The following UNC5C variants were observed in gnomAD, a reference collection of about 807,000 sequenced individuals.
UNC5C encodes the protein unc-5 netrin receptor C, also known as netrin receptor UNC5C.
Under a neutral mutation model 99.8 loss-of-function variants are expected in UNC5C, and 47 were observed. The ratio of observed to expected loss-of-function variants is 0.47; its 90% CI spans 0.37 to 0.60. The LOEUF is 0.60. Among genes scored for constraint, UNC5C ranks in the 20% least tolerant of loss-of-function variants. The pLI, the probability that UNC5C is intolerant of heterozygous loss-of-function variation, is 0.00. For synonymous variants in UNC5C, 487 were observed against 452.2 expected, an observed-to-expected ratio of 1.08 and a Z score of -0.98; for missense variants, 1,062 against 1,165.9, an observed-to-expected ratio of 0.91 and a Z score of 1.30.
chr4:95,349,401 C>CACAT (rs1177715463), intron 1 of UNC5C, among the ~76,000 whole-genome samples: 5 of 141,754 alleles, frequency 3.5e-5, no homozygotes, highest in East Asian at 2.2e-4. Flanking sequence ...CACACACACA[C>CACAT]ACATTACAAG....
chr4:95,401,925 T>C lies in UNC5C; in HGVS notation c.125-66294A>G, dbSNP rs369621697. Among the ~76,000 whole-genome samples the C allele has an allele frequency of 2.0e-4, 31 of 152,326 alleles. No homozygotes were observed. In the South Asian group the frequency reaches 5.0e-3, roughly 24 times the overall value. On this transcript the variant is annotated intron_variant, in intron 1 of 15. Coordinates refer to ENST00000453304, the MANE Select transcript of UNC5C (RefSeq NM_003728.4). ...ACAGTACAATGGAATGTGGAATGTG[T>C]CAAGGATGCCTTTTCGAAAGTGGTA...
At chr4:95,257,605 A>G (rs1040800948) in intron 4 of UNC5C, among the ~76,000 whole-genome samples, 1 of 152,216 alleles carries the variant, frequency 6.6e-6, no homozygotes, top group African/African-American at 2.4e-5. Context: ...GGAGGCAGAA[A>G]GTAATTGAGG....
At chr4:95,454,098 A>G (rs1747364021) in intron 1 of UNC5C, among the ~76,000 whole-genome samples, 1 of 152,072 alleles carries the variant, frequency 6.6e-6, no homozygotes, top group South Asian at 2.1e-4. Flanking sequence ...GTTGCACAAT[A>G]TTGTGAGTGC....
intron 10 of UNC5C, among the ~76,000 whole-genome samples, chr4:95,215,156 C>T (rs976498163): frequency 4.6e-5 from 7 of 152,220 alleles, no homozygotes; most frequent in Admixed American, 6.5e-5. Flanking sequence ...TAAAAATGGA[C>T]GTTTTTCTGA....
chr4:95,506,511 G>C (rs1721927218), intron 1 of UNC5C, among the ~76,000 whole-genome samples: 2 of 151,858 alleles, frequency 1.3e-5, no homozygotes, highest in Admixed American at 6.6e-5. Context: ...TTTAAAAGTT[G>C]CTATTTTGAA....
chr4:95,215,651 C>T (rs990771638), intron 10 of UNC5C, among the ~76,000 whole-genome samples: 2 of 151,932 alleles, frequency 1.3e-5, no homozygotes, highest in African/African-American at 4.8e-5. Context: ...AATACTTAAG[C>T]TAGAAGACAG....
intron 7 of UNC5C, among the ~76,000 whole-genome samples, chr4:95,224,206 C>G (rs2149370014): frequency 6.6e-6 from 1 of 152,330 alleles, no homozygotes; most frequent in Non-Finnish European, 1.5e-5. Context: ...TCACTTGAGA[C>G]TGGGAGGCGG....
intron 1 of UNC5C, among the ~76,000 whole-genome samples, chr4:95,413,567 A>G (rs2149452911): frequency 1.3e-5 from 2 of 152,340 alleles, no homozygotes; most frequent in South Asian, 4.1e-4. Flanking sequence ...ATTCAGAATA[A>G]TCAACTGAAT....
At chr4:95,204,833 G>T (rs146552333) in intron 11 of UNC5C, among the ~76,000 whole-genome samples, 1 of 152,184 alleles carries the variant, frequency 6.6e-6, no homozygotes, top group South Asian at 2.1e-4. Flanking sequence ...GATGTGAAAG[G>T]TTGCCACCTA....
intron 13 of UNC5C, among the ~76,000 whole-genome samples, chr4:95,183,462 C>T (rs1369213076): frequency 6.6e-6 from 1 of 152,076 alleles, no homozygotes; most frequent in East Asian, 1.9e-4. Flanking sequence ...GAATCCCTGT[C>T]GTGACATTCT....
chr4:95,424,196 A>G (rs941429993), intron 1 of UNC5C, among the ~76,000 whole-genome samples: 1 of 152,152 alleles, frequency 6.6e-6, no homozygotes, highest in Non-Finnish European at 1.5e-5. Context: ...TGAAGGTACT[A>G]AGATAACATG....
chr4:95,540,679 C>A (rs1722896580), intron 1 of UNC5C, among the ~76,000 whole-genome samples: 1 of 152,150 alleles, frequency 6.6e-6, no homozygotes, highest in South Asian at 2.1e-4. Context: ...ATTTGCCAAA[C>A]ACTTTATTCA....
chr4:95,531,854 G>A (rs1029562188), intron 1 of UNC5C, among the ~76,000 whole-genome samples: 3 of 152,194 alleles, frequency 2.0e-5, no homozygotes, highest in Admixed American at 6.5e-5. Flanking sequence ...ACACCATAGG[G>A]TGATTTTTGG....
intron 1 of UNC5C, among the ~76,000 whole-genome samples, chr4:95,463,630 A>C (rs1376088011): frequency 6.6e-6 from 1 of 152,144 alleles, no homozygotes; most frequent in Non-Finnish European, 1.5e-5. Context: ...AAGAAAAGAG[A>C]AGGTATCAAA....
At chr4:95,316,121 C>T (rs1264558165) in intron 2 of UNC5C, among the ~76,000 whole-genome samples, 1 of 152,052 alleles carries the variant, frequency 6.6e-6, no homozygotes, top group Non-Finnish European at 1.5e-5. Context: ...ATCAAGCTCA[C>T]ATTTTTACTC....
chr4:95,519,717 C>A (rs949101634), intron 1 of UNC5C, among the ~76,000 whole-genome samples: 5 of 152,086 alleles, frequency 3.3e-5, no homozygotes, highest in Non-Finnish European at 5.9e-5. Context: ...GTTTTAATTG[C>A]CCAGTGTGCA....
At chr4:95,498,407 TTAAAA>T (rs1449650591) in intron 1 of UNC5C, among the ~76,000 whole-genome samples, 1 of 152,006 alleles carries the variant, frequency 6.6e-6, no homozygotes, top group Non-Finnish European at 1.5e-5. Context: ...GTAGCTGTAC[TTAAAA>T]TTAAACATTT....
intron 2 of UNC5C, among the ~76,000 whole-genome samples, chr4:95,319,800 C>CA (rs561175151): frequency 1.4e-4 from 21 of 151,680 alleles, no homozygotes; most frequent in African/African-American, 5.1e-4. Flanking sequence ...TCAAAGATGC[C>CA]AAAAAAATGA....
intron 4 of UNC5C, among the ~76,000 whole-genome samples, chr4:95,269,394 G>C (rs932073837): frequency 6.6e-6 from 1 of 152,120 alleles, no homozygotes; most frequent in Non-Finnish European, 1.5e-5. Flanking sequence ...TCCCAGGCTC[G>C]AGTGATCCTG....
Sources: gnomAD v4.1 joint callset for allele counts (sites outside exome capture counted in the v4.1 genomes callset) on GRCh38, gnomAD v4.1.1 for gene constraint, MANE v1.5 for transcripts, NCBI Gene and HGNC (gene_info 2026-07-23, HGNC 2026-07-21) for gene names.